RBM33: variants seen among roughly 807,000 people sequenced by gnomAD.
RBM33 encodes RNA-binding protein 33.
A neutral mutation model predicts 132.6 loss-of-function variants in RBM33; 28 were observed. That is an observed-to-expected ratio of 0.21 (90% CI 0.16 to 0.29). The LOEUF is 0.29. RBM33 is among the 10% of genes least tolerant of loss of function. The pLI, the probability that RBM33 is intolerant of heterozygous loss-of-function variation, is 1.00. For synonymous variants in RBM33, 634 were observed against 593.0 expected, an observed-to-expected ratio of 1.07 and a Z score of -1.01; for missense variants, 1,291 against 1,518.5, an observed-to-expected ratio of 0.85 and a Z score of 2.49.
rs919893617 is a variant in RBM33 at position 155,776,419 on chromosome 7, C to T, written c.*1378C>T. On this transcript the variant is annotated 3_prime_UTR_variant, in exon 18 of 18. Transcript: ENST00000401878. This position sits in a 1 kb window ranked among gnomAD's most constrained non-coding sequence, Gnocchi z 4.0. The stretch of plus-strand genomic sequence containing the variant: ...AGCATGGCGCTAGGGCTCTCAGCCT[C>T]CTAGAAGGAAGGGACTAAGGAGACG... 7.2e-5 allele frequency: 11 copies of T among 152,222 alleles called. No homozygotes were observed. Among genetic ancestry groups the T allele is most frequent in the African/African-American group, 2.2e-4 (9 of 41,442 alleles). The allele number at this position is 152,222 out of a possible 1,614,324, so 9.4% of individuals were successfully genotyped here.
At chr7:155,701,029 A>G (rs1471710824) in intron 6 of RBM33, 85 bp downstream of exon 6, 3 of 1,245,364 alleles carry the variant, frequency 2.4e-6, no homozygotes, top group Admixed American at 2.0e-5. Context: ...AAAGTAGGCA[A>G]AGAAGGTTGA....
chr7:155,692,103 G>A (rs1157365791), intron 5 of RBM33, among the ~76,000 whole-genome samples: 1 of 151,670 alleles, frequency 6.6e-6, no homozygotes, highest in East Asian at 1.9e-4. Flanking sequence ...TGTCTCTTGT[G>A]TGGGGGAGGA....
At chr7:155,669,629 G>A (rs1376368572) in intron 2 of RBM33, among the ~76,000 whole-genome samples, 2 of 152,148 alleles carry the variant, frequency 1.3e-5, no homozygotes, top group African/African-American at 2.4e-5. Flanking sequence ...TTGAGATTAC[G>A]GTGTGAATCA....
At chr7:155,698,275 G>C (rs981314568) in intron 5 of RBM33, among the ~76,000 whole-genome samples, 2 of 152,142 alleles carry the variant, frequency 1.3e-5, no homozygotes, top group African/African-American at 4.8e-5. Flanking sequence ...GCTGAAGCAG[G>C]AGAATTGCTT....
chr7:155,710,143 G>A (rs1207068601), intron 7 of RBM33, among the ~76,000 whole-genome samples: 2 of 152,128 alleles, frequency 1.3e-5, no homozygotes, highest in African/African-American at 4.8e-5. Flanking sequence ...GAATTTAGAA[G>A]CCCTCCGTAA....
chr7:155,773,853 T>C (rs1213652378), intron 16 of RBM33, among the ~76,000 whole-genome samples: 1 of 152,254 alleles, frequency 6.6e-6, no homozygotes, highest in Non-Finnish European at 1.5e-5. Flanking sequence ...AGTTTCGCTT[T>C]GCAAACACTT....
chr7:155,755,276 G>A (rs1294331899), intron 14 of RBM33, among the ~76,000 whole-genome samples: 1 of 152,182 alleles, frequency 6.6e-6, no homozygotes, highest in Non-Finnish European at 1.5e-5. Context: ...GCTGCCCTGG[G>A]ACACTACACC....
chr7:155,673,403 TGTGTGTGTGTGTGTG>T (rs1387514117), intron 3 of RBM33, among the ~76,000 whole-genome samples: 1 of 3,540 alleles, frequency 2.8e-4, no homozygotes, highest in Non-Finnish European at 5.4e-4. Context: ...TTATATATAT[TGTGTGTGTGTGTGTG>T]TGTGTGTGTG....
intron 5 of RBM33, among the ~76,000 whole-genome samples, chr7:155,682,082 G>A (rs554151988): frequency 6.6e-6 from 1 of 152,070 alleles, no homozygotes; most frequent in Admixed American, 6.6e-5. Flanking sequence ...CATCACGCCT[G>A]GCTGATTTTT....
chr7:155,729,718 C>T (rs1341199018), intron 9 of RBM33, among the ~76,000 whole-genome samples: 3 of 131,050 alleles, frequency 2.3e-5, no homozygotes, highest in African/African-American at 8.5e-5. Context: ...GTCTGTGTGA[C>T]AAAGCAAGAC....
chr7:155,756,880 C>T (rs192421102), intron 14 of RBM33, among the ~76,000 whole-genome samples: 1 of 152,080 alleles, frequency 6.6e-6, no homozygotes, highest in African/African-American at 2.4e-5. Flanking sequence ...TTTTCCTTTC[C>T]CCAGCATGGC....
At chr7:155,668,116 A>G (rs1307219656) in intron 2 of RBM33, among the ~76,000 whole-genome samples, 1 of 152,176 alleles carries the variant, frequency 6.6e-6, no homozygotes, top group Non-Finnish European at 1.5e-5. Flanking sequence ...TGTCTCTTAT[A>G]TTTGTGTGTG....
chr7:155,733,812 C>T (rs538812673), intron 9 of RBM33, among the ~76,000 whole-genome samples: 1 of 152,312 alleles, frequency 6.6e-6, no homozygotes, highest in Non-Finnish European at 1.5e-5. Flanking sequence ...TCACCTAGAC[C>T]GTGAGCCTTG....
chr7:155,755,627 GA>G (rs1172138586), intron 14 of RBM33, among the ~76,000 whole-genome samples: 1 of 152,226 alleles, frequency 6.6e-6, no homozygotes. Context: ...GATTTCTATA[GA>G]GGGGGTTAAT....
At chr7:155,707,219 CAT>C (rs1800143018) in intron 7 of RBM33, 151 bp downstream of exon 7, 2 of 754,018 alleles carry the variant, frequency 2.7e-6, no homozygotes, top group Non-Finnish European at 4.8e-6. Flanking sequence ...TTTATAGTCT[CAT>C]GTGATGTTGC....
chr7:155,681,009 G>T, intron 5 of RBM33, 101 bp downstream of exon 5: 2 of 899,524 alleles, frequency 2.2e-6, no homozygotes, highest in Non-Finnish European at 3.3e-6. Context: ...GGAGGGAGGG[G>T]AAATTAGACC....
chr7:155,711,997 G>A (rs1585473755), intron 8 of RBM33, among the ~76,000 whole-genome samples: 2 of 152,216 alleles, frequency 1.3e-5, no homozygotes, highest in East Asian at 3.8e-4. Context: ...TTAGTTTGAT[G>A]GGTCAAGTAT....
In RBM33 at chr7:155,743,792, T is replaced by G. The variant is rs1801426964; in HGVS notation, c.2338-1169T>G. 3.3e-5 allele frequency among the ~76,000 whole-genome samples: 5 copies of G among 152,318 alleles called. No homozygotes were observed. The South Asian group carries it at 1.0e-3, about 32-fold the overall frequency. ...CTGCATGGGAAATTCCGATGACTAG[T>G]AATTATTCCTGTGTTTTGAGGCAGT... is the stretch of plus-strand genomic sequence containing the variant. On this transcript the variant is annotated intron_variant, in intron 13 of 17. Transcript: ENST00000401878.
chr7:155,708,899 A>G (rs1039098763), intron 7 of RBM33, among the ~76,000 whole-genome samples: 1 of 151,880 alleles, frequency 6.6e-6, no homozygotes, highest in Non-Finnish European at 1.5e-5. Context: ...TTTTTGGCTC[A>G]TGTCTCTGCT....
Sources: allele counts gnomAD v4.1 joint callset (sites outside exome capture counted in the v4.1 genomes callset), GRCh38; gene constraint gnomAD v4.1.1; non-coding constraint Gnocchi (gnomAD v3.1); transcripts MANE v1.5; gene names NCBI Gene and HGNC (gene_info 2026-07-23, HGNC 2026-07-21).